Variants in EPS15L1 observed in about 807,000 individuals in gnomAD.
EPS15L1 encodes epidermal growth factor receptor substrate 15-like 1.
Under a neutral mutation model 117.1 loss-of-function variants are expected in EPS15L1, and 43 were observed. The ratio of observed to expected loss-of-function variants is 0.37; its 90% CI spans 0.29 to 0.47. The LOEUF is 0.47. Ranked by LOEUF, EPS15L1 falls within the 20% of genes least tolerant of loss-of-function variation. The pLI is 0.99. For synonymous variants in EPS15L1, 459 were observed against 470.5 expected, an observed-to-expected ratio of 0.98 and a Z score of 0.32; for missense variants, 981 against 1,164.0, an observed-to-expected ratio of 0.84 and a Z score of 2.29.
intron 7 of EPS15L1, among the ~76,000 whole-genome samples, chr19:16,432,059 G>C (rs1466297479): frequency 6.6e-6 from 1 of 152,092 alleles, no homozygotes; most frequent in African/African-American, 2.4e-5. Context: ...GTGTATGATA[G>C]GGGCCCTGGA....
In EPS15L1 at chr19:16,356,235, C is replaced by T. The variant is rs139533895; in HGVS notation, c.2587-384G>A. ...GCCCCACGGCGCAGACAATTCTGCA[C>T]TCTGGGAATGTGGTATTTCTACCTC... is the stretch of plus-strand genomic sequence containing the variant. On this transcript the variant is annotated intron_variant, in intron 23 of 23. Transcript: ENST00000455140. 7.8e-4 allele frequency: 185 copies of T among 236,354 alleles called. No individual in the cohort carries two copies. In the East Asian group the frequency reaches 0.016, roughly 20 times the overall value. 14.6% of individuals were successfully genotyped at this position (236,354 alleles called of 1,614,324 possible).
chr19:16,395,219 AG>A, intron 17 of EPS15L1, 124 bp downstream of exon 17: 5 of 872,962 alleles, frequency 5.7e-6, no homozygotes, highest in South Asian at 2.1e-5. Flanking sequence ...AAAAAAAAAA[AG>A]GCATTCCTTT....
chr19:16,400,671 G>A (rs1648396381), intron 16 of EPS15L1: 1 of 985,432 alleles, frequency 1.0e-6, no homozygotes, highest in Non-Finnish European at 1.2e-6. Context: ...GATAAAAACA[G>A]TTTTTCTTTC....
chr19:16,460,144 G>T (rs1279657404), intron 1 of EPS15L1, among the ~76,000 whole-genome samples: 1 of 152,108 alleles, frequency 6.6e-6, no homozygotes, highest in East Asian at 1.9e-4. Context: ...AGCTGGGCGT[G>T]GTGGTGTGCT....
At chr19:16,414,580 CAGTAG>C (rs2092739610) in intron 12 of EPS15L1, among the ~76,000 whole-genome samples, 1 of 151,788 alleles carries the variant, frequency 6.6e-6, no homozygotes, top group Non-Finnish European at 1.5e-5. Context: ...TTTGTATTTT[CAGTAG>C]AGACGGGGTT....
At position 16,402,357 on chromosome 19, in the gene EPS15L1, G is replaced by A. The variant is rs140189030; in HGVS notation, c.1755C>T (p.Gly585=). ...AACTGCCCCTCTCTGCCAGGGAGAC[G>A]CCTTCGCTCAGGTTGGCCAGGTCGG... The part of the protein sequence containing the change: ...SLTDLANLSE[G]VSLAERGSFG... The change falls in exon 16 of 24, where the codon GGC becomes GGT. Residue 585 remains glycine (G), a synonymous_variant. Coordinates refer to ENST00000455140, the MANE Select transcript of EPS15L1 (RefSeq NM_001258374.3). 291 of 1,613,382 alleles carry A rather than the reference G, an allele frequency of 1.8e-4. No individual in the cohort carries two copies. The African/African-American group carries it at 3.0e-3, about 17-fold the overall frequency.
intron 6 of EPS15L1, chr19:16,434,796 G>A: frequency 3.8e-6 from 1 of 262,746 alleles, no homozygotes; most frequent in East Asian, 8.0e-5. Flanking sequence ...CCATGGTGGG[G>A]CAGTGTCTTT....
chr19:16,470,495 C>T (rs1306287923), intron 1 of EPS15L1, among the ~76,000 whole-genome samples: 1 of 149,934 alleles, frequency 6.7e-6, no homozygotes, highest in African/African-American at 2.5e-5. Context: ...CCCCGACTCC[C>T]GCCTTCCCCG....
intron 6 of EPS15L1, 196 bp from the exon 7 acceptor site, chr19:16,434,686 TGGC>T: frequency 2.0e-6 from 1 of 507,700 alleles, no homozygotes; most frequent in East Asian, 3.7e-5. Flanking sequence ...AATAACGTTA[TGGC>T]AACCTCGGAT....
intron 12 of EPS15L1, among the ~76,000 whole-genome samples, chr19:16,416,392 T>G (rs989863907): frequency 4.9e-4 from 75 of 151,728 alleles, no homozygotes; most frequent in African/African-American, 1.5e-3. Context: ...TCCCAGCACT[T>G]TGGGAGGCCA....
intron 23 of EPS15L1, chr19:16,356,705 T>G (rs1364374644): frequency 6.6e-6 from 1 of 152,188 alleles, no homozygotes; most frequent in African/African-American, 2.4e-5. Context: ...TTCTAAAATG[T>G]TCAGTTAAAA....
intron 1 of EPS15L1, among the ~76,000 whole-genome samples, chr19:16,467,413 G>T (rs910804490): frequency 6.6e-6 from 1 of 152,030 alleles, no homozygotes; most frequent in African/African-American, 2.4e-5. Flanking sequence ...GCCTCCCAAA[G>T]TGCTAGGATT....
chr19:16,425,187 G>T lies in EPS15L1; in HGVS notation c.688C>A (p.Pro230Thr). 6.2e-7 allele frequency: 1 copy of T among 1,613,362 alleles called. No individual in the cohort carries two copies. Among genetic ancestry groups the T allele is most frequent in the Non-Finnish European group, 8.5e-7 (1 of 1,179,452 alleles). ...GAGCGGAGGCTGTCTTTTGGTGGGGGGCTGGCAGGCAGGACGGGGACGGCG... is the reference window on the plus strand; with the variant it reads ...GAGCGGAGGCTGTCTTTTGGTGGGGTGCTGGCAGGCAGGACGGGGACGGCG... ...PGAVPVLPAS[P>T]PPKDSLRSTP... Residue 230 changes from proline to threonine, a missense_variant, in exon 9 of 24, where the codon CCC (proline) becomes ACC (threonine). Pro to Thr is a conservative substitution (Grantham distance 38, BLOSUM62 -1). Around this residue, in one of 5 missense-constraint regions of EPS15L1, gnomAD observed 819 missense variants for 949.0 expected, o/e 0.86. Transcript: ENST00000455140.
At chr19:16,413,625 AAC>A in intron 13 of EPS15L1, 146 bp downstream of exon 13, 4 of 785,160 alleles carry the variant, frequency 5.1e-6, no homozygotes, top group African/African-American at 1.7e-5. Flanking sequence ...AAAAAAAAAA[AAC>A]AAAAACTTCA....
At chr19:16,400,996 G>A (rs2092595131) in intron 16 of EPS15L1, 1 of 985,494 alleles carries the variant, frequency 1.0e-6, no homozygotes, top group Non-Finnish European at 1.2e-6. Flanking sequence ...TAGGAGCCGG[G>A]TTGTGAGACG....
At chr19:16,421,248 C>A in intron 10 of EPS15L1, 71 bp downstream of exon 10, 1 of 1,517,074 alleles carries the variant, frequency 6.6e-7, no homozygotes. Flanking sequence ...CTGACCACCA[C>A]CCTCCACAGT....
Position 16,392,398 on chromosome 19 carries a change from C to A in EPS15L1, c.2009G>T (p.Arg670Leu), listed in dbSNP as rs781674469. The stretch of plus-strand genomic sequence containing the variant: ...GAAGAAGTCGTCAGTGGCAGAGCCA[C>A]GGAATGGGTCACTTTCTTTGAAAGG... ...GDPFKESDPF[R>L]GSATDDFFKK... Residue 670 changes from arginine (R) to leucine (L), a missense_variant, in exon 19 of 24, where the codon CGT becomes CTT. Arg to Leu is a moderately radical substitution (Grantham distance 102). Around this residue, in one of 5 missense-constraint regions of EPS15L1, gnomAD observed 819 missense variants for 949.0 expected, o/e 0.86. Transcript: ENST00000455140. 1 of 1,614,136 alleles carries A rather than the reference C, an allele frequency of 6.2e-7. No individual in the cohort carries two copies. The highest frequency in any genetic ancestry group is 8.5e-7 in the Non-Finnish European group (1 of 1,179,994).
At chr19:16,355,981 G>A (rs1291225381) in intron 23 of EPS15L1, 130 bp from the exon 24 acceptor site, 2 of 1,140,118 alleles carry the variant, frequency 1.8e-6, no homozygotes, top group African/African-American at 3.1e-5. Flanking sequence ...GATGTGCAGG[G>A]GATAAGCATG....
intron 22 of EPS15L1, among the ~76,000 whole-genome samples, chr19:16,373,842 G>C (rs2092258605): frequency 6.6e-6 from 1 of 152,244 alleles, no homozygotes; most frequent in East Asian, 1.9e-4. Flanking sequence ...TGGACTGTTA[G>C]AGGTTAGTAC....
Sources: allele counts gnomAD v4.1 joint callset (sites outside exome capture counted in the v4.1 genomes callset), GRCh38; gene constraint gnomAD v4.1.1; regional missense constraint gnomAD v4.1.1; transcripts MANE v1.5; gene names NCBI Gene and HGNC (gene_info 2026-07-23, HGNC 2026-07-21).